TMC8: variants seen among roughly 807,000 people sequenced by gnomAD.
The protein encoded by TMC8 is transmembrane channel-like protein 8.
A neutral mutation model predicts 76.0 loss-of-function variants in TMC8; 71 were observed. That is an observed-to-expected ratio of 0.93 (90% CI 0.77 to 1.14). The LOEUF (loss-of-function observed/expected upper bound fraction) is 1.14. TMC8 is among the 50% of genes most tolerant of loss of function. TMC8 has a pLI of 0.00. For missense variants in TMC8, 924 were observed against 947.9 expected (o/e 0.97, Z 0.33); for synonymous variants, 433 against 433.8 (o/e 1.00, Z 0.02).
Position 78,131,901 on chromosome 17 carries a change from G to C in TMC8, c.169G>C (p.Gly57Arg), listed in dbSNP as rs1195275056. 29 of 1,475,222 alleles carry C rather than the reference G, an allele frequency of 2.0e-5. No individual in the cohort carries two copies. The highest frequency in any genetic ancestry group is 2.5e-5 in the Non-Finnish European group (28 of 1,119,762). The allele number at this position is 1,475,222 out of a possible 1,614,324, so 91.4% of individuals were successfully genotyped here. A position where few individuals can be genotyped will look rare whatever the true frequency, so the allele number is the denominator to read the frequency against. The change falls in exon 3 of 16, where the codon GGG becomes CGG. Residue 57 changes from glycine (G) to arginine (R), a missense_variant. Coordinates refer to ENST00000318430, the MANE Select transcript of TMC8 (RefSeq NM_152468.5). ...GTCCAGGCAGCTGCGGGAGCCCGCG[G>C]GGGTGCAGACCTTGCGCTGGCAGCG... ...RLIWQLREPA[G>R]VQTLRWQRWQ...
Position 78,142,771 on chromosome 17 carries a change from A to C in TMC8, c.*1659A>C, listed in dbSNP as rs1307613414. On this transcript the variant is annotated 3_prime_UTR_variant, in exon 16 of 16. Coordinates refer to ENST00000318430, the MANE Select transcript of TMC8 (RefSeq NM_152468.5). The stretch of plus-strand genomic sequence containing the variant: ...AATGAACATTCCCAGGCCCCACCTC[A>C]GCCTCCTGAATCAGAGCATCCCTTT... 1 of 152,276 alleles carries C rather than the reference A, an allele frequency of 6.6e-6. No homozygotes were observed. The highest frequency in any genetic ancestry group is 1.9e-4 in the East Asian group (1 of 5,202). The allele number at this position is 152,276 out of a possible 1,614,324, so 9.4% of individuals were successfully genotyped here.
intron 7 of TMC8, 126 bp downstream of exon 7, chr17:78,134,126 G>C: frequency 7.0e-7 from 1 of 1,426,758 alleles, no homozygotes; most frequent in Non-Finnish European, 9.8e-7. Flanking sequence ...AGCGTGTGTG[G>C]GAGGGAGCCT....
chr17:78,138,314 C>T (rs374168693), intron 12 of TMC8, 35 bp from the exon 13 acceptor site: 20 of 1,610,758 alleles, frequency 1.2e-5, no homozygotes, highest in Non-Finnish European at 1.4e-5. Context: ...CTGCATAACT[C>T]GCTGACTCCT....
In TMC8 at chr17:78,138,586, C is replaced by T; in HGVS notation, c.1677C>T (p.Ser559=). The change falls in exon 14 of 16, where the codon TCC becomes TCT. Residue 559 remains serine, a synonymous_variant. Coordinates refer to ENST00000318430, the MANE Select transcript of TMC8 (RefSeq NM_152468.5). ...LGYVVSSIHS[S]WDCGLFTNYS... ...CATCTCTCGCCAGCATCCACTCCTCCTGGGACTGCGGCCTCTTCACCAACT... is the reference window on the plus strand; with the variant it reads ...CATCTCTCGCCAGCATCCACTCCTCTTGGGACTGCGGCCTCTTCACCAACT... The T allele has an allele frequency of 6.2e-7, 1 of 1,613,918 alleles. No individual in the cohort carries two copies. The highest frequency in any genetic ancestry group is 8.5e-7 in the Non-Finnish European group (1 of 1,180,024).
In TMC8 at chr17:78,132,366, C is replaced by A. The variant is rs199498761; in HGVS notation, c.306C>A (p.Phe102Leu). 1.2e-6 allele frequency: 2 copies of A among 1,612,982 alleles called. No homozygotes were observed. Among genetic ancestry groups the A allele is most frequent in the South Asian group, 2.2e-5 (2 of 91,016 alleles). Residue 102 changes from phenylalanine (F) to leucine (L), a missense_variant, in exon 4 of 16, where the codon TTC (phenylalanine) becomes TTA (leucine). Physicochemically the swap from Phe to Leu is conservative, Grantham distance 22 (BLOSUM62 0). Transcript: ENST00000318430. ...CCTGCTCTCCCACTGCAGGCCTCTT[C>A]GGCACAGGAATTCGGTCCTACTTCA... Reference protein sequence around the residue: ...EGALYEIGGLFGTGIRSYFTF... With the variant: ...EGALYEIGGLLGTGIRSYFTF...
In TMC8 at chr17:78,141,101, G is replaced by A; in HGVS notation, c.2170G>A (p.Ala724Thr). The A allele has an allele frequency of 6.4e-7, 1 of 1,573,146 alleles. No homozygotes were observed. Among genetic ancestry groups the A allele is most frequent in the Non-Finnish European group, 8.6e-7 (1 of 1,165,612 alleles). The change falls in exon 16 of 16, where the codon GCG (alanine) becomes ACG (threonine). Residue 724 changes from alanine (A) to threonine (T), a missense_variant. Transcript: ENST00000318430. ...CCGCAGATTCCGCTTCCCCAGCGGC[G>A]CGGAGCTGTAACCCCTACCCCTGCC... Reference protein sequence around the residue: ...SARRFRFPSGAEL With the variant: ...SARRFRFPSGTEL
rs368431392 is a variant in TMC8 at position 78,133,388 on chromosome 17, C to T, written c.532-18C>T. ...CCTGGTGCTCACCCGGGCTGGGTAT[C>T]TTCGTCGCTGTCCCCAGGCCTTCAC... is the stretch of plus-strand genomic sequence containing the variant. On this transcript the variant is annotated intron_variant, in intron 5 of 15. Transcript: ENST00000318430. The T allele has an allele frequency of 6.2e-7, 1 of 1,613,684 alleles. No homozygotes were observed. Among genetic ancestry groups the T allele is most frequent in the Admixed American group, 1.7e-5 (1 of 60,030 alleles).
intron 10 of TMC8, 137 bp downstream of exon 10, chr17:78,137,495 A>ACACCTC (rs1691270521): frequency 1.3e-6 from 2 of 1,486,758 alleles, no homozygotes; most frequent in Non-Finnish European, 1.9e-6. Context: ...GCACCGCCGC[A>ACACCTC]CACCTCCAGG....
intron 3 of TMC8, 82 bp downstream of exon 3, chr17:78,132,112 C>T (rs868400527): frequency 1.3e-6 from 2 of 1,524,478 alleles, no homozygotes. Context: ...GTGGCATCAT[C>T]CCACCTGCCT....
At chr17:78,136,963 G>A in intron 9 of TMC8, 1 of 428,106 alleles carries the variant, frequency 2.3e-6, no homozygotes, top group Non-Finnish European at 4.4e-6. Context: ...GTGAGCCGAG[G>A]TCACAACACT....
chr17:78,140,089 G>A (rs900661579), intron 15 of TMC8, among the ~76,000 whole-genome samples: 32 of 152,196 alleles, frequency 2.1e-4, no homozygotes, highest in Non-Finnish European at 4.6e-4. Context: ...GGCTCACGCC[G>A]AGGCGTGAAG....
At chr17:78,139,339 G>A in intron 15 of TMC8, 99 bp downstream of exon 15, 2 of 1,368,952 alleles carry the variant, frequency 1.5e-6, no homozygotes, top group Non-Finnish European at 2.0e-6. Flanking sequence ...GGGTCAGGTG[G>A]GTTCTTCCCA....
chr17:78,133,712 CG>C (rs2145637710), intron 6 of TMC8, 140 bp from the exon 7 acceptor site: 1 of 1,515,078 alleles, frequency 6.6e-7, no homozygotes, highest in Admixed American at 1.9e-5. Flanking sequence ...ACAGGGCCAC[CG>C]CCCCCTACCC....
At position 78,134,450 on chromosome 17, in the gene TMC8, G is replaced by C; in HGVS notation, c.873G>C (p.Gln291His). The stretch of plus-strand genomic sequence containing the variant: ...TGATGCAGCAGCAGACCCGGGCCCA[G>C]ACGGCCTGCCGCCTGCTCTCCTACC... ...FQLMQQQTRA[Q>H]TACRLLSYLR... The change falls in exon 8 of 16, where the codon CAG becomes CAC. Residue 291 changes from glutamine (Q) to histidine (H), a missense_variant. By Grantham distance (24) the Gln-to-His change is conservative. Transcript: ENST00000318430. 1 of 1,613,788 alleles carries C rather than the reference G, an allele frequency of 6.2e-7. No homozygotes were observed. The highest frequency in any genetic ancestry group is 1.3e-5 in the African/African-American group (1 of 75,060).
At chr17:78,135,753 T>G (rs559618279) in intron 9 of TMC8, among the ~76,000 whole-genome samples, 29 of 152,218 alleles carry the variant, frequency 1.9e-4, no homozygotes, top group Non-Finnish European at 4.1e-4. Flanking sequence ...GTGTTTGGTT[T>G]GCTTTGAAAC....
At chr17:78,138,946 T>G (rs2075305540) in intron 14 of TMC8, 2 of 1,536,732 alleles carry the variant, frequency 1.3e-6, no homozygotes. Flanking sequence ...TCTGGGTGGC[T>G]GCAGCTGCTG....
chr17:78,132,820 C>G lies in TMC8; in HGVS notation c.481C>G (p.Pro161Ala), dbSNP rs913271027. 5 of 1,614,232 alleles carry G rather than the reference C, an allele frequency of 3.1e-6. No homozygotes were observed. The highest frequency in any genetic ancestry group is 3.4e-6 in the Non-Finnish European group (4 of 1,180,034). ...LQCPGSRQSP[P>A]GVLRFHNQLW... The stretch of plus-strand genomic sequence containing the variant: ...GTGCCCTGGTAGCCGCCAGTCCCCG[C>G]CTGGCGTTTTGAGGTTCCACAATCA... The change falls in exon 5 of 16, where the codon CCT becomes GCT. Residue 161 changes from proline (P) to alanine (A), a missense_variant. Physicochemically the swap from Pro to Ala is conservative, Grantham distance 27. Coordinates refer to ENST00000318430, the MANE Select transcript of TMC8 (RefSeq NM_152468.5).
Position 78,140,983 on chromosome 17 carries a change from G to A in TMC8, c.2052G>A (p.Pro684=). ...CCGGATGCCCATGCCCTGGCTCCCC[G>A]GGCCACCAGGCCCCGCGGCCGGGCC... The part of the protein sequence containing the change: ...FCPGCPCPGS[P]GHQAPRPGPS... The change falls in exon 16 of 16, where the codon CCG becomes CCA. Residue 684 remains proline (P), a synonymous_variant. Coordinates refer to ENST00000318430, the MANE Select transcript of TMC8 (RefSeq NM_152468.5). 2.5e-6 allele frequency: 4 copies of A among 1,592,682 alleles called. No individual in the cohort carries two copies. Among genetic ancestry groups the A allele is most frequent in the Non-Finnish European group, 2.6e-6 (3 of 1,170,514 alleles).
Position 78,140,827 on chromosome 17 carries a change from C to T in TMC8, c.1903-7C>T, listed in dbSNP as rs762939451. 1.9e-6 allele frequency: 3 copies of T among 1,604,420 alleles called. No individual in the cohort carries two copies. The highest frequency in any genetic ancestry group is 2.2e-5 in the South Asian group (2 of 89,166). ...CTGTCGCAACTCGCCACTTGTTCTCCTCACAGCAGGTTCAGGAGAAGTGGC... is the reference window on the plus strand; with the variant it reads ...CTGTCGCAACTCGCCACTTGTTCTCTTCACAGCAGGTTCAGGAGAAGTGGC... On this transcript the variant is annotated splice_region_variant and splice_polypyrimidine_tract_variant and intron_variant, in intron 15 of 15. Transcript: ENST00000318430.
Sources: allele counts gnomAD v4.1 joint callset (sites outside exome capture counted in the v4.1 genomes callset), GRCh38; gene constraint gnomAD v4.1.1; transcripts MANE v1.5; gene names NCBI Gene and HGNC (gene_info 2026-07-23, HGNC 2026-07-21).